SPIDR: variants seen among roughly 807,000 people sequenced by gnomAD.
SPIDR encodes DNA repair-scaffolding protein.
Under a neutral mutation model 104.6 loss-of-function variants are expected in SPIDR, and 93 were observed. That is an observed-to-expected ratio of 0.89 (90% confidence interval 0.75 to 1.06). The LOEUF (loss-of-function observed/expected upper bound fraction) is 1.06. SPIDR is among the 50% of genes least tolerant of loss of function. The pLI, the probability that SPIDR is intolerant of heterozygous loss-of-function variation, is 0.00. For synonymous variants in SPIDR, 431 were observed against 416.9 expected (o/e 1.03, Z -0.41); for missense variants, 1,154 against 1,111.2 (o/e 1.04, Z -0.55).
intron 8 of SPIDR, among the ~76,000 whole-genome samples, chr8:47,586,998 G>A (rs1394703734): frequency 3.9e-5 from 6 of 152,142 alleles, no homozygotes; most frequent in Admixed American, 6.5e-5. Flanking sequence ...TCGAACTCCC[G>A]ATCTCAGTTG....
In SPIDR at chr8:47,499,523, T is replaced by A. The variant is rs2080011771; in HGVS notation, c.1097+58981T>A. Among the ~76,000 whole-genome samples, 3 of 151,986 alleles carry A rather than the reference T, an allele frequency of 2.0e-5. No homozygotes were observed. The South Asian group carries it at 6.2e-4, about 32-fold the overall frequency. On this transcript the variant is annotated intron_variant, in intron 8 of 19. Coordinates refer to ENST00000297423, the MANE Select transcript of SPIDR (RefSeq NM_001080394.4). ...CCATGACTTTCAGAAGTAGAGACCATCAAATGATACGGCAGCATTTCTTTT... is the reference window on the plus strand; with the variant it reads ...CCATGACTTTCAGAAGTAGAGACCAACAAATGATACGGCAGCATTTCTTTT...
At chr8:47,313,873 C>T (rs1247094354) in intron 5 of SPIDR, among the ~76,000 whole-genome samples, 2 of 152,174 alleles carry the variant, frequency 1.3e-5, no homozygotes, top group Non-Finnish European at 2.9e-5. Context: ...ACTCAGAATT[C>T]TGTAGCCAAA....
chr8:47,278,066 A>G (rs1279548209), intron 1 of SPIDR, among the ~76,000 whole-genome samples: 1 of 149,164 alleles, frequency 6.7e-6, no homozygotes, highest in Admixed American at 6.7e-5. Context: ...ATTGCTACAC[A>G]TCCTTGGCAG....
chr8:47,391,280 G>C (rs1554651814), intron 5 of SPIDR, among the ~76,000 whole-genome samples: 1 of 152,162 alleles, frequency 6.6e-6, no homozygotes, highest in Admixed American at 6.5e-5. Context: ...GCTCACACCT[G>C]TAATCCCAGC....
At chr8:47,286,578 A>G (rs2038889117) in intron 3 of SPIDR, among the ~76,000 whole-genome samples, 1 of 152,118 alleles carries the variant, frequency 6.6e-6, no homozygotes. Context: ...TAGCAAGACC[A>G]CATCGCTTAC....
rs1453959743 is a variant in SPIDR, at chr8:47,624,275, C to G, written c.1544+25079C>G. Among the ~76,000 whole-genome samples the G allele has an allele frequency of 1.2e-3, 188 of 152,212 alleles. 1 individual carries two copies. The highest frequency in any genetic ancestry group is 3.4e-3 in the Middle Eastern group (1 of 294). ...AATTGATAGCACTAAATGCCCACAA[C>G]ACAAAGCAGGAAAGATCTAAAATTG... On this transcript the variant is annotated intron_variant, in intron 10 of 19. Coordinates refer to ENST00000297423, the MANE Select transcript of SPIDR (RefSeq NM_001080394.4).
At chr8:47,438,351 C>T (rs1483566573) in intron 7 of SPIDR, among the ~76,000 whole-genome samples, 1 of 152,216 alleles carries the variant, frequency 6.6e-6, no homozygotes, top group East Asian at 1.9e-4. Flanking sequence ...TCTCAAAATG[C>T]TCCTGTGGCC....
rs549490225 is a variant in SPIDR at position 47,345,679 on chromosome 8, A to C, written c.526-50697A>C. ...AGTTCTCCTTGAAGAGGTCCTTCAA[A>C]TCCCTTGTAAGTTGGATTGCTAGGT... On this transcript the variant is annotated intron_variant, in intron 5 of 19. Transcript: ENST00000297423. 2.8e-3 allele frequency among the ~76,000 whole-genome samples: 421 copies of C among 152,296 alleles called. 1 individual carries two copies. Among genetic ancestry groups the C allele is most frequent in the African/African-American group, 9.9e-3 (411 of 41,554 alleles).
upstream of SPIDR, chr8:47,260,903 C>G: frequency 8.3e-7 from 1 of 1,203,356 alleles, no homozygotes; most frequent in Non-Finnish European, 1.0e-6. Context: ...TGCGGCGCGC[C>G]GAGGTGGGAC....
chr8:47,647,616 A>AGAGAGAGAGAGAGAG lies in SPIDR; in HGVS notation c.1545-26185_1545-26184insGAGAGAGAGAGAGAG, dbSNP rs2070674174. 9.9e-5 allele frequency among the ~76,000 whole-genome samples: 6 copies of AGAGAGAGAGAGAGAG among 60,456 alleles called. No homozygotes were observed. The Admixed American group carries it at 9.9e-4, about 10-fold the overall frequency. The allele number at this position is 60,456 out of a possible 152,430, so 39.7% of individuals were successfully genotyped here. A position where few individuals can be genotyped will look rare whatever the true frequency, so the allele number is the denominator to read the frequency against. On this transcript the variant is annotated intron_variant, in intron 10 of 19. Transcript: ENST00000297423. The stretch of plus-strand genomic sequence containing the variant: ...GTGACAGAGTGAGACTCCATCTCGA[A>AGAGAGAGAGAGAGAG]AGAGAGAGAGAGAGAGAGAGAGAGA...
intron 5 of SPIDR, among the ~76,000 whole-genome samples, chr8:47,340,780 A>G (rs1166620846): frequency 2.6e-5 from 4 of 152,214 alleles, no homozygotes; most frequent in African/African-American, 9.6e-5. Context: ...TCATTCCTGC[A>G]TAATGAAACT....
At chr8:47,382,959 G>T (rs2059491771) in intron 5 of SPIDR, among the ~76,000 whole-genome samples, 1 of 152,104 alleles carries the variant, frequency 6.6e-6, no homozygotes, top group Admixed American at 6.6e-5. Context: ...TCAAAATAAA[G>T]AATCCCCAAA....
At chr8:47,358,112 C>G (rs1372300983) in intron 5 of SPIDR, among the ~76,000 whole-genome samples, 4 of 152,130 alleles carry the variant, frequency 2.6e-5, no homozygotes, top group Admixed American at 6.5e-5. Flanking sequence ...CGCTCTGTTG[C>G]CCACAGTGGA....
At chr8:47,582,117 T>TGAA (rs1382494004) in intron 8 of SPIDR, among the ~76,000 whole-genome samples, 102 of 151,672 alleles carry the variant, frequency 6.7e-4, no homozygotes, top group Non-Finnish European at 1.0e-4. Context: ...CTCTGGAGTC[T>TGAA]GAAGCAGGAG....
rs936841906 is a variant in SPIDR at position 47,651,582 on chromosome 8, A to C, written c.1545-22219A>C. ...AAAAGTAGATCTGCCATTTGATTCAACATTTCCACTGCTGGGTATCTACCC... is the reference window on the plus strand; with the variant it reads ...AAAAGTAGATCTGCCATTTGATTCACCATTTCCACTGCTGGGTATCTACCC... On this transcript the variant is annotated intron_variant, in intron 10 of 19. Coordinates refer to ENST00000297423, the MANE Select transcript of SPIDR (RefSeq NM_001080394.4). Among the ~76,000 whole-genome samples, 20 of 152,182 alleles carry C rather than the reference A, an allele frequency of 1.3e-4. 1 individual carries two copies. Among genetic ancestry groups the C allele is most frequent in the Non-Finnish European group, 1.5e-5 (1 of 68,026 alleles).
chr8:47,350,523 A>G (rs539865942), intron 5 of SPIDR, among the ~76,000 whole-genome samples: 1 of 152,276 alleles, frequency 6.6e-6, no homozygotes, highest in South Asian at 2.1e-4. Flanking sequence ...CATGTTGTCC[A>G]GGTTGGTCTT....
At chr8:47,635,875 G>C (rs888422001) in intron 10 of SPIDR, among the ~76,000 whole-genome samples, 7 of 152,234 alleles carry the variant, frequency 4.6e-5, no homozygotes, top group African/African-American at 1.7e-4. Context: ...TTGGCTTTCT[G>C]TGTAGCCTTG....
intron 10 of SPIDR, among the ~76,000 whole-genome samples, chr8:47,628,302 G>A (rs1341287602): frequency 6.6e-6 from 1 of 152,168 alleles, no homozygotes; most frequent in Non-Finnish European, 1.5e-5. Flanking sequence ...ATCATCTTAT[G>A]GGGATAGAGA....
chr8:47,727,856 C>T (rs554266025), intron 17 of SPIDR, among the ~76,000 whole-genome samples: 3 of 152,208 alleles, frequency 2.0e-5, no homozygotes, highest in Admixed American at 6.5e-5. Context: ...TGGTGGCTCA[C>T]GCCTGTAATC....
Sources: allele counts gnomAD v4.1 joint callset (sites outside exome capture counted in the v4.1 genomes callset), GRCh38; gene constraint gnomAD v4.1.1; transcripts MANE v1.5; gene names NCBI Gene and HGNC (gene_info 2026-07-23, HGNC 2026-07-21).